Variants in LRRC4B observed in about 807,000 individuals in gnomAD.
LRRC4B encodes leucine-rich repeat-containing protein 4B.
In LRRC4B, 1 loss-of-function variant was observed where a neutral mutation model predicts 7.3. The ratio of observed to expected loss-of-function variants is 0.14; its 90% CI spans 0.05 to 0.65. The LOEUF is 0.65. Among genes scored for constraint, LRRC4B ranks in the 30% least tolerant of loss-of-function variants. The pLI is 0.84. For synonymous variants in LRRC4B, 500 were observed against 499.2 expected, an observed-to-expected ratio of 1.00 and a Z score of -0.02; for missense variants, 730 against 1,041.6, an observed-to-expected ratio of 0.70 and a Z score of 4.12.
At chr19:50,531,181 G>A (rs958290048) in intron 2 of LRRC4B, among the ~76,000 whole-genome samples, 1 of 152,192 alleles carries the variant, frequency 6.6e-6, no homozygotes, top group Non-Finnish European at 1.5e-5. Context: ...GAGCCTCTGC[G>A]GCACCCCAGG....
rs955500926 is a variant in LRRC4B, at chr19:50,563,157, C to T, written c.-36+4787G>A. ...GTCCCCTGGGCTCCCGCCTGCCTCC[C>T]GCAGTGAGCCCCCATCAGCCCCTCT... On this transcript the variant is annotated intron_variant, in intron 1 of 2. Transcript: ENST00000652263. This position sits in a 1 kb window ranked among gnomAD's most constrained non-coding sequence, Gnocchi z 4.9. Among the ~76,000 whole-genome samples, 1 of 152,180 alleles carries T rather than the reference C, an allele frequency of 6.6e-6. No homozygotes were observed. Among genetic ancestry groups the T allele is most frequent in the African/African-American group, 2.4e-5 (1 of 41,454 alleles).
In LRRC4B at chr19:50,519,851, C is replaced by T. The variant is rs1288074745; in HGVS notation, c.298-436G>A. Among the ~76,000 whole-genome samples, 3 of 151,942 alleles carry T rather than the reference C, an allele frequency of 2.0e-5. No homozygotes were observed. Among genetic ancestry groups the T allele is most frequent in the African/African-American group, 7.2e-5 (3 of 41,426 alleles). ...TAGTGCCACTGCACTCCTGCCTGGGCAACAGAGCAAGACTCCATGTAGAAA... is the reference window on the plus strand; with the variant it reads ...TAGTGCCACTGCACTCCTGCCTGGGTAACAGAGCAAGACTCCATGTAGAAA... On this transcript the variant is annotated intron_variant, in intron 2 of 2. Transcript: ENST00000652263. This position sits in a 1 kb window ranked among gnomAD's most constrained non-coding sequence, Gnocchi z 8.1.
At chr19:50,529,955 T>C (rs1615262) in intron 2 of LRRC4B, among the ~76,000 whole-genome samples, 70,959 of 122,612 alleles carry the variant, frequency 0.58, 16,670 homozygotes, top group Admixed American at 0.62. Context: ...CTCCCCTCCC[T>C]CCCTTCAGGG....
At chr19:50,540,988 C>T (rs1009302409) in intron 2 of LRRC4B, among the ~76,000 whole-genome samples, 8 of 151,488 alleles carry the variant, frequency 5.3e-5, no homozygotes, top group Non-Finnish European at 1.2e-4. Context: ...TCGAGACCAT[C>T]CTGGCTAACA....
chr19:50,542,460 G>A (rs1204649033), intron 2 of LRRC4B, among the ~76,000 whole-genome samples: 3 of 148,848 alleles, frequency 2.0e-5, no homozygotes, highest in Admixed American at 6.7e-5. Flanking sequence ...GGGCCTCAGA[G>A]AATTGCTGAT....
Position 50,548,779 on chromosome 19 carries a change from G to A in LRRC4B, c.60C>T (p.Pro20=). Residue 20 remains proline, a synonymous_variant, in exon 2 of 3, where the codon CCC becomes CCT. Coordinates refer to ENST00000652263, the MANE Select transcript of LRRC4B (RefSeq NM_001080457.2). The surrounding 1 kb of genome is among the most constrained non-coding windows in gnomAD (Gnocchi z 6.8). ...GCCAGAGGAAGAGCAATGCCCCGTG[G>A]GGCCAGGACATCCTACCGGGCGGCA... ...PPLPPGRMSW[P]HGALLFLWLF... The A allele has an allele frequency of 6.5e-7, 1 of 1,527,918 alleles. No individual in the cohort carries two copies. Among genetic ancestry groups the A allele is most frequent in the Non-Finnish European group, 8.8e-7 (1 of 1,141,844 alleles). The allele number at this position is 1,527,918 out of a possible 1,614,324, so 94.6% of individuals were successfully genotyped here.
At chr19:50,534,875 ATATT>A (rs1004111822) in intron 2 of LRRC4B, among the ~76,000 whole-genome samples, 1 of 152,094 alleles carries the variant, frequency 6.6e-6, no homozygotes, top group South Asian at 2.1e-4. Context: ...GTATTTATTT[ATATT>A]TATTTATTTA....
chr19:50,551,932 T>C (rs1332218124), intron 1 of LRRC4B, among the ~76,000 whole-genome samples: 4 of 142,038 alleles, frequency 2.8e-5, no homozygotes, highest in African/African-American at 1.0e-4. Context: ...CTCCTCAGCC[T>C]CCCTTCCCTG....
At chr19:50,525,347 CTTGGGA>C (rs1980758982) in intron 2 of LRRC4B, among the ~76,000 whole-genome samples, 1 of 151,368 alleles carries the variant, frequency 6.6e-6, no homozygotes, top group South Asian at 2.1e-4. Context: ...GTACCATGCC[CTTGGGA>C]TTACAGCCCT....
intron 2 of LRRC4B, among the ~76,000 whole-genome samples, chr19:50,540,958 C>T (rs1350565079): frequency 2.0e-5 from 3 of 151,254 alleles, no homozygotes; most frequent in Admixed American, 6.6e-5. Flanking sequence ...CCAAAGCAGG[C>T]GGATCATGAG....
chr19:50,533,125 A>G (rs1981125441), intron 2 of LRRC4B, among the ~76,000 whole-genome samples: 1 of 152,132 alleles, frequency 6.6e-6, no homozygotes, highest in Non-Finnish European at 1.5e-5. Flanking sequence ...TCAGTCTGAA[A>G]TCCTTGTCTT....
chr19:50,548,363 C>T lies in LRRC4B; in HGVS notation c.297+179G>A, dbSNP rs995930098. 1.9e-4 allele frequency among the ~76,000 whole-genome samples: 29 copies of T among 152,256 alleles called. No homozygotes were observed. The highest frequency in any genetic ancestry group is 6.5e-4 in the African/African-American group (27 of 41,472). ...CACTGTGCTCTCAAAGCCCGGAGGG[C>T]CTCCACTCCACCTCGGGAGCCCGGC... is the stretch of plus-strand genomic sequence containing the variant. On this transcript the variant is annotated intron_variant, in intron 2 of 2. Coordinates refer to ENST00000652263, the MANE Select transcript of LRRC4B (RefSeq NM_001080457.2). The surrounding 1 kb of genome is among the most constrained non-coding windows in gnomAD (Gnocchi z 6.8).
intron 2 of LRRC4B, among the ~76,000 whole-genome samples, chr19:50,530,000 T>G (rs1246482497): frequency 1.5e-5 from 2 of 136,750 alleles, no homozygotes; most frequent in Non-Finnish European, 3.1e-5. Flanking sequence ...TAGCTCATCC[T>G]CCCCGTCCAA....
In LRRC4B at chr19:50,517,532, G is replaced by A. The variant is rs754171641; in HGVS notation, c.*39C>T. On this transcript the variant is annotated 3_prime_UTR_variant, in exon 3 of 3. Coordinates refer to ENST00000652263, the MANE Select transcript of LRRC4B (RefSeq NM_001080457.2). This position sits in a 1 kb window ranked among gnomAD's most constrained non-coding sequence, Gnocchi z 6.6. Reference sequence around the variant, plus strand: ...GCTGCGCCCGGGCTGGGACCTGGGTGGGGGGCTCCACGCCCCTCGCCCGCC... The same window carrying A: ...GCTGCGCCCGGGCTGGGACCTGGGTAGGGGGCTCCACGCCCCTCGCCCGCC... 4 of 1,394,018 alleles carry A rather than the reference G, an allele frequency of 2.9e-6. No homozygotes were observed. Among genetic ancestry groups the A allele is most frequent in the Non-Finnish European group, 3.7e-6 (4 of 1,073,342 alleles). 86.4% of individuals were successfully genotyped at this position (1,394,018 alleles called of 1,614,324 possible).
intron 2 of LRRC4B, among the ~76,000 whole-genome samples, chr19:50,547,002 G>C (rs1020541197): frequency 6.6e-6 from 1 of 152,192 alleles, no homozygotes; most frequent in African/African-American, 2.4e-5. Context: ...GTGCAGAGCC[G>C]GTGCTGCCGG....
intron 1 of LRRC4B, among the ~76,000 whole-genome samples, chr19:50,550,129 T>C (rs544463270): frequency 1.8e-4 from 28 of 152,144 alleles, no homozygotes; most frequent in South Asian, 1.2e-3. Context: ...ATAATGACCA[T>C]AGGAGAAAGC....
intron 2 of LRRC4B, among the ~76,000 whole-genome samples, chr19:50,535,074 TA>T (rs771665120): frequency 3.3e-5 from 5 of 152,078 alleles, no homozygotes; most frequent in Non-Finnish European, 5.9e-5. Flanking sequence ...TTCACTGTGT[TA>T]GCCAGGATGG....
intron 2 of LRRC4B, among the ~76,000 whole-genome samples, chr19:50,521,450 CAG>C (rs754977210): frequency 6.6e-6 from 1 of 152,230 alleles, no homozygotes; most frequent in Non-Finnish European, 1.5e-5. Flanking sequence ...ATTTTTGAGA[CAG>C]AGTCTTGCTC....
At chr19:50,552,425 G>A (rs559859087) in intron 1 of LRRC4B, among the ~76,000 whole-genome samples, 3 of 151,944 alleles carry the variant, frequency 2.0e-5, no homozygotes, top group African/African-American at 7.2e-5. Flanking sequence ...TGCCACAAAG[G>A]CCCCCACCCC....
Sources: allele counts gnomAD v4.1 joint callset (sites outside exome capture counted in the v4.1 genomes callset), GRCh38; gene constraint gnomAD v4.1.1; non-coding constraint Gnocchi (gnomAD v3.1); transcripts MANE v1.5; gene names NCBI Gene and HGNC (gene_info 2026-07-23, HGNC 2026-07-21).